Variants in GRIN2D observed in about 807,000 individuals in gnomAD.
The protein encoded by GRIN2D is glutamate ionotropic receptor NMDA type subunit 2D.
Under a neutral mutation model 103.2 loss-of-function variants are expected in GRIN2D, and 37 were observed. The ratio of observed to expected loss-of-function variants is 0.36; its 90% CI spans 0.28 to 0.47. The LOEUF is 0.47. Ranked by LOEUF, GRIN2D falls within the 20% of genes least tolerant of loss-of-function variation. The probability of loss-of-function intolerance (pLI) is 1.00; values close to 1 mark genes in which losing one functional copy is unlikely to be tolerated. For missense variants in GRIN2D, 1,557 were observed against 1,910.6 expected (o/e 0.81, Z 3.45); for synonymous variants, 845 against 885.6 (o/e 0.95, Z 0.81).
chr19:48,413,065 G>C (rs769420847), intron 4 of GRIN2D, among the ~76,000 whole-genome samples: 1 of 145,804 alleles, frequency 6.9e-6, no homozygotes, highest in Non-Finnish European at 1.5e-5. Context: ...GAACCCGGGA[G>C]GCGGAGGTTG....
At chr19:48,433,179 C>T (rs1033825363) in intron 11 of GRIN2D, among the ~76,000 whole-genome samples, 1 of 150,502 alleles carries the variant, frequency 6.6e-6, no homozygotes, top group African/African-American at 2.4e-5. Flanking sequence ...ACCAGCCTGA[C>T]CAACATGGTG....
At chr19:48,424,296 A>G (rs1425465599) in intron 11 of GRIN2D, among the ~76,000 whole-genome samples, 6 of 130,958 alleles carry the variant, frequency 4.6e-5, no homozygotes, top group Non-Finnish European at 8.0e-5. Context: ...TTTGAGACAG[A>G]GTCTCGCTCT....
intron 11 of GRIN2D, among the ~76,000 whole-genome samples, chr19:48,425,384 G>A (rs1266282656): frequency 6.6e-6 from 1 of 152,178 alleles, no homozygotes; most frequent in East Asian, 1.9e-4. Context: ...TGGGATTACA[G>A]GCATATACCA....
chr19:48,442,739 C>A lies in GRIN2D; in HGVS notation c.2813C>A (p.Ala938Asp). 1 of 1,097,526 alleles carries A rather than the reference C, an allele frequency of 9.1e-7. No homozygotes were observed. Among genetic ancestry groups the A allele is most frequent in the Non-Finnish European group, 1.1e-6 (1 of 901,674 alleles). The allele number at this position is 1,097,526 out of a possible 1,614,324, so 68.0% of individuals were successfully genotyped here. A position where few individuals can be genotyped will look rare whatever the true frequency, so the allele number is the denominator to read the frequency against. ...GCACCTTTCGTGCCCCGCGAGCGCG[C>A]CTCAGTGGACCGCTGGCGCCGGACC... The part of the protein sequence containing the change: ...GPAPFVPRER[A>D]SVDRWRRTKG... The change falls in exon 14 of 14, where the codon GCC (alanine) becomes GAC (aspartate). Residue 938 changes from alanine (A) to aspartate (D), a missense_variant. Coordinates refer to ENST00000263269, the MANE Select transcript of GRIN2D (RefSeq NM_000836.4). The surrounding 1 kb of genome is among the most constrained non-coding windows in gnomAD (Gnocchi z 7.2).
intron 4 of GRIN2D, among the ~76,000 whole-genome samples, chr19:48,409,834 G>A (rs1360152768): frequency 6.6e-6 from 1 of 151,858 alleles, no homozygotes; most frequent in African/African-American, 2.4e-5. Context: ...TGGCTGGAGT[G>A]CAGTGGCACA....
intron 2 of GRIN2D, among the ~76,000 whole-genome samples, chr19:48,395,264 C>G (rs11669143): frequency 0.016 from 2,481 of 151,860 alleles, 30 homozygotes; most frequent in Non-Finnish European, 0.026. Context: ...CCCTGTACCC[C>G]CCTCCCTGCA....
intron 8 of GRIN2D, among the ~76,000 whole-genome samples, chr19:48,418,872 A>G (rs1018738832): frequency 3.0e-4 from 45 of 152,102 alleles, no homozygotes; most frequent in African/African-American, 9.9e-4. Flanking sequence ...CTGAAACCAC[A>G]GAAATGCCTG....
Position 48,405,014 on chromosome 19 carries a change from C to A in GRIN2D, c.746C>A (p.Ala249Asp), listed in dbSNP as rs1368790310. ...VSAQIRLLFC[A>D]REEAEPVFRA... is the part of the protein sequence containing the mutation. Reference sequence around the variant, plus strand: ...GCGCAGATCCGCCTGCTCTTCTGCGCCCGAGAGGAGGCCGAGCCCGTGTTC... The same window carrying A: ...GCGCAGATCCGCCTGCTCTTCTGCGACCGAGAGGAGGCCGAGCCCGTGTTC... Residue 249 changes from alanine (A) to aspartate (D), a missense_variant, in exon 4 of 14, where the codon GCC (alanine) becomes GAC (aspartate). This residue lies in a region of GRIN2D where 490 missense variants were observed against 601.1 expected (regional missense o/e 0.82). Transcript: ENST00000263269. This position sits in a 1 kb window ranked among gnomAD's most constrained non-coding sequence, Gnocchi z 5.1. 1 of 1,612,344 alleles carries A rather than the reference C, an allele frequency of 6.2e-7. No homozygotes were observed. The highest frequency in any genetic ancestry group is 2.2e-5 in the East Asian group (1 of 44,874).
At chr19:48,434,182 C>T (rs1275304982) in intron 11 of GRIN2D, among the ~76,000 whole-genome samples, 1 of 152,056 alleles carries the variant, frequency 6.6e-6, no homozygotes, top group Non-Finnish European at 1.5e-5. Flanking sequence ...GATCTCCTGA[C>T]CTCGTGATCC....
chr19:48,405,006 C>T lies in GRIN2D; in HGVS notation c.738C>T (p.Leu246=), dbSNP rs374160642. The stretch of plus-strand genomic sequence containing the variant: ...GTGTCAGCGCGCAGATCCGCCTGCT[C>T]TTCTGCGCCCGAGAGGAGGCCGAGC... ...LRSVSAQIRL[L]FCAREEAEPV... is the part of the protein sequence containing the mutation. The change falls in exon 4 of 14, where the codon CTC becomes CTT. Residue 246 remains leucine, a synonymous_variant. Transcript: ENST00000263269. The surrounding 1 kb of genome is among the most constrained non-coding windows in gnomAD (Gnocchi z 5.1). 2 of 1,612,260 alleles carry T rather than the reference C, an allele frequency of 1.2e-6. No homozygotes were observed. Among genetic ancestry groups the T allele is most frequent in the African/African-American group, 2.7e-5 (2 of 74,928 alleles).
chr19:48,407,810 G>A (rs1420163571), intron 4 of GRIN2D, among the ~76,000 whole-genome samples: 1 of 152,166 alleles, frequency 6.6e-6, no homozygotes, highest in Admixed American at 6.5e-5. Context: ...ATCAAACTGG[G>A]GAATGTGATA....
At chr19:48,410,980 C>T (rs1281912030) in intron 4 of GRIN2D, among the ~76,000 whole-genome samples, 1 of 152,020 alleles carries the variant, frequency 6.6e-6, no homozygotes, top group Non-Finnish European at 1.5e-5. Flanking sequence ...GGGACACCCC[C>T]GGCCATCCCC....
At chr19:48,419,895 G>T (rs529014369) in intron 10 of GRIN2D, 81 bp downstream of exon 10, 210 of 175,530 alleles carry the variant, frequency 1.2e-3, no homozygotes, top group African/African-American at 7.4e-3. Flanking sequence ...GATTAGAGGG[G>T]ATTCTTGCGG....
At position 48,414,657 on chromosome 19, in the gene GRIN2D, G is replaced by GC; in HGVS notation, c.1412+78dup. The GC allele has an allele frequency of 7.1e-7, 1 of 1,409,650 alleles. No homozygotes were observed. Among genetic ancestry groups the GC allele is most frequent in the Non-Finnish European group, 9.7e-7 (1 of 1,025,848 alleles). The allele number at this position is 1,409,650 out of a possible 1,614,324, so 87.3% of individuals were successfully genotyped here. On this transcript the variant is annotated intron_variant, in intron 6 of 13. Transcript: ENST00000263269. This position sits in a 1 kb window ranked among gnomAD's most constrained non-coding sequence, Gnocchi z 4.6. ...TGAAGCCCAGTAGTCTGGGCCCCCAGCCCCCTCCTCCCTTGGGACCCAGGA... is the reference window on the plus strand; with the variant it reads ...TGAAGCCCAGTAGTCTGGGCCCCCAGCCCCCCTCCTCCCTTGGGACCCAGGA...
chr19:48,430,429 C>G (rs1239447266), intron 11 of GRIN2D, among the ~76,000 whole-genome samples: 1 of 151,516 alleles, frequency 6.6e-6, no homozygotes, highest in African/African-American at 2.4e-5. Flanking sequence ...AAACTCCTGA[C>G]CTCAAGTGAT....
chr19:48,409,388 C>G lies in GRIN2D; in HGVS notation c.1085+4035C>G, dbSNP rs1250506704. Among the ~76,000 whole-genome samples the G allele has an allele frequency of 4.7e-5, 7 of 149,242 alleles. No individual in the cohort carries two copies. The Admixed American group carries it at 4.8e-4, about 10-fold the overall frequency. On this transcript the variant is annotated intron_variant, in intron 4 of 13. Coordinates refer to ENST00000263269, the MANE Select transcript of GRIN2D (RefSeq NM_000836.4). Reference sequence around the variant, plus strand: ...CCACCTCCTGGATTCAAGCGATTCTCCTGCCTCAGCCTCCGAGTAGCTGGG... The same window carrying G: ...CCACCTCCTGGATTCAAGCGATTCTGCTGCCTCAGCCTCCGAGTAGCTGGG...
chr19:48,412,449 G>GAAAGA (rs1555892659), intron 4 of GRIN2D, among the ~76,000 whole-genome samples: 3 of 149,376 alleles, frequency 2.0e-5, no homozygotes, highest in Middle Eastern at 3.5e-3. Context: ...AAGAAAGAAA[G>GAAAGA]AAAGAAAGAA....
Position 48,443,204 on chromosome 19 carries a change from C to T in GRIN2D, c.3278C>T (p.Pro1093Leu), listed in dbSNP as rs1971328194. ...GCAGGCGGAGGAGCCCCGGCCGCTC[C>T]GCCCCCGTGCCGCGCCGCGCCGCCC... ...GGAGGGAPAA[P>L]PPCRAAPPPC... is the part of the protein sequence containing the mutation. Residue 1093 changes from proline (P) to leucine (L), a missense_variant, in exon 14 of 14, where the codon CCG (proline) becomes CTG (leucine). Physicochemically the swap from Pro to Leu is moderately conservative, Grantham distance 98 (BLOSUM62 -3). Coordinates refer to ENST00000263269, the MANE Select transcript of GRIN2D (RefSeq NM_000836.4). The surrounding 1 kb of genome is among the most constrained non-coding windows in gnomAD (Gnocchi z 8.9). The T allele has an allele frequency of 9.0e-6, 11 of 1,227,346 alleles. No individual in the cohort carries two copies. The highest frequency in any genetic ancestry group is 1.6e-5 in the African/African-American group (1 of 62,292). The allele number at this position is 1,227,346 out of a possible 1,614,324, so 76.0% of individuals were successfully genotyped here. A position where few individuals can be genotyped will look rare whatever the true frequency, so the allele number is the denominator to read the frequency against.
intron 11 of GRIN2D, among the ~76,000 whole-genome samples, chr19:48,441,075 T>C (rs1193952775): frequency 6.6e-6 from 1 of 152,026 alleles, no homozygotes; most frequent in East Asian, 1.9e-4. Flanking sequence ...TCATTAACAG[T>C]CACAGCTGGC....
Sources: allele counts gnomAD v4.1 joint callset (sites outside exome capture counted in the v4.1 genomes callset), GRCh38; gene constraint gnomAD v4.1.1; regional missense constraint gnomAD v4.1.1; non-coding constraint Gnocchi (gnomAD v3.1); transcripts MANE v1.5; gene names NCBI Gene and HGNC (gene_info 2026-07-23, HGNC 2026-07-21).